The following ADGRF5 variants were observed in gnomAD, a reference collection of about 807,000 sequenced individuals.
The protein encoded by ADGRF5 is adhesion G protein-coupled receptor F5.
Under a neutral mutation model 132.3 loss-of-function variants are expected in ADGRF5, and 75 were observed. The ratio of observed to expected loss-of-function variants is 0.57; its 90% confidence interval spans 0.47 to 0.69. The LOEUF (loss-of-function observed/expected upper bound fraction) is 0.69. Ranked by LOEUF, ADGRF5 falls within the 30% of genes least tolerant of loss-of-function variation. The pLI is 0.00. For synonymous variants in ADGRF5, 629 were observed against 597.6 expected (o/e 1.05, Z -0.77); for missense variants, 1,516 against 1,630.6 (o/e 0.93, Z 1.21).
At chr6:46,907,658 T>A (rs1775532385) in intron 1 of ADGRF5, among the ~76,000 whole-genome samples, 1 of 152,116 alleles carries the variant, frequency 6.6e-6, no homozygotes, top group Non-Finnish European at 1.5e-5. Flanking sequence ...ACCAAGACAA[T>A]CTACTTTGTG....
intron 11 of ADGRF5, chr6:46,869,421 G>A (rs189058561): frequency 8.8e-4 from 861 of 983,488 alleles, no homozygotes; most frequent in South Asian, 1.1e-3. Flanking sequence ...CTTATCCCAC[G>A]CTCCCCTCCA....
chr6:46,923,221 T>TG (rs1777079891), upstream of ADGRF5, among the ~76,000 whole-genome samples: 1 of 152,214 alleles, frequency 6.6e-6, no homozygotes, highest in East Asian at 1.9e-4. Context: ...CCACTGCTCC[T>TG]GGCCCTGAGA....
intron 1 of ADGRF5, among the ~76,000 whole-genome samples, chr6:46,917,899 AT>A (rs1281647149): frequency 6.6e-6 from 1 of 152,252 alleles, no homozygotes; most frequent in African/African-American, 2.4e-5. Flanking sequence ...AAGTATAATA[AT>A]TAAAACAAAT....
chr6:46,947,023 T>C (rs9367260), intron 1 of ADGRF5, among the ~76,000 whole-genome samples: 49,226 of 152,142 alleles, frequency 0.32, 9,820 homozygotes, highest in Non-Finnish European at 0.43. Context: ...TTGCAACACG[T>C]TGAGTTTGTG....
At chr6:46,951,687 A>G (rs2113847949) in intron 1 of ADGRF5, among the ~76,000 whole-genome samples, 1 of 152,324 alleles carries the variant, frequency 6.6e-6, no homozygotes, top group Non-Finnish European at 1.5e-5. Context: ...GCTTTCCTAA[A>G]GCAGGGACTG....
intron 1 of ADGRF5, among the ~76,000 whole-genome samples, chr6:46,916,183 G>T (rs184509133): frequency 6.6e-6 from 1 of 152,214 alleles, no homozygotes; most frequent in African/African-American, 2.4e-5. Flanking sequence ...GACCTTTATG[G>T]CATATTGCCT....
At chr6:46,866,864 A>AT in intron 13 of ADGRF5, 61 bp downstream of exon 13, 1 of 1,034,598 alleles carries the variant, frequency 9.7e-7, no homozygotes, top group South Asian at 1.4e-5. Flanking sequence ...TTAAGACTAA[A>AT]TTTTTAGACT....
Position 46,941,019 on chromosome 6 carries a change from A to G in ADGRF5, c.-25+13715T>C, listed in dbSNP as rs573828110. ...AAGTGGTTCAAAAATGTGGGCCCCC[A>G]ACATTCTGGGAACTTGTTGAAAATG... On this transcript the variant is annotated intron_variant, in intron 1 of 20. Coordinates refer to the ADGRF5 transcript ENST00000265417. 7.2e-4 allele frequency among the ~76,000 whole-genome samples: 109 copies of G among 152,282 alleles called. 1 individual carries two copies. The highest frequency in any genetic ancestry group is 2.8e-3 in the Admixed American group (43 of 15,282).
rs372211867 is a variant in ADGRF5, at chr6:46,879,961, A to G, written c.893T>C (p.Leu298Ser). 12 of 1,614,184 alleles carry G rather than the reference A, an allele frequency of 7.4e-6. No individual in the cohort carries two copies. Among genetic ancestry groups the G allele is most frequent in the Non-Finnish European group, 1.0e-5 (12 of 1,180,006 alleles). ...TVSLVCEKEV[L>S]SSNVSWRYEE... The stretch of plus-strand genomic sequence containing the variant: ...ATAGCGCCAAGACACATTGGAGGAC[A>G]AAACTTCCTTTTCACACACCAGACT... Residue 298 changes from leucine (L) to serine (S), a missense_variant, in exon 9 of 21, where the codon TTG becomes TCG. Coordinates refer to ENST00000283296, the MANE Select transcript of ADGRF5 (RefSeq NM_001098518.2).
chr6:46,938,802 A>G (rs1483088929), intron 1 of ADGRF5, among the ~76,000 whole-genome samples: 3 of 151,962 alleles, frequency 2.0e-5, no homozygotes, highest in Admixed American at 6.6e-5. Context: ...ATGACCACAC[A>G]TGTTCTACCA....
intron 17 of ADGRF5, among the ~76,000 whole-genome samples, 171 bp downstream of exon 17, chr6:46,857,958 A>T (rs1364509541): frequency 6.6e-6 from 1 of 152,236 alleles, no homozygotes; most frequent in Non-Finnish European, 1.5e-5. Context: ...CCATAGGATC[A>T]GAAGAATGTG....
chr6:46,911,151 A>ACCT, intron 1 of ADGRF5, among the ~76,000 whole-genome samples: 1 of 152,166 alleles, frequency 6.6e-6, no homozygotes, highest in African/African-American at 2.4e-5. Flanking sequence ...GTTTTCCTGA[A>ACCT]GTACTCTTCA....
chr6:46,907,274 A>G (rs1160914093), intron 1 of ADGRF5, among the ~76,000 whole-genome samples: 2 of 152,244 alleles, frequency 1.3e-5, no homozygotes, highest in Admixed American at 1.3e-4. Flanking sequence ...TGTAAGTTGT[A>G]TCTTACAGTA....
chr6:46,924,167 T>C (rs914995785), upstream of ADGRF5, among the ~76,000 whole-genome samples: 3 of 152,198 alleles, frequency 2.0e-5, no homozygotes, highest in African/African-American at 7.2e-5. Context: ...TTCACACAGG[T>C]AACGTTTAGT....
intron 16 of ADGRF5, among the ~76,000 whole-genome samples, 161 bp from the exon 17 acceptor site, chr6:46,859,684 C>A (rs2150782578): frequency 6.6e-6 from 1 of 152,182 alleles, no homozygotes; most frequent in Middle Eastern, 3.4e-3. Flanking sequence ...CTTCTTATGG[C>A]AGAGTTTAGC....
In ADGRF5 at chr6:46,877,304, T is replaced by TTC. The variant is rs1562174997; in HGVS notation, c.1240+897_1240+898insGA. ...CTTTCTTTCTTTCTCTCTCTCTCTC[T>TTC]CTTTCCTTCCTTCCTTCCTTCTTTC... On this transcript the variant is annotated intron_variant, in intron 10 of 20. Transcript: ENST00000283296. Among the ~76,000 whole-genome samples, 439 of 48,836 alleles carry TTC rather than the reference T, an allele frequency of 9.0e-3. 6 individuals are homozygous for TTC. The highest frequency in any genetic ancestry group is 0.012 in the Non-Finnish European group (280 of 23,896). The allele number at this position is 48,836 out of a possible 152,430, so 32.0% of individuals were successfully genotyped here.
intron 11 of ADGRF5, chr6:46,870,897 G>A (rs1411417974): frequency 5.5e-5 from 21 of 385,246 alleles, no homozygotes; most frequent in Non-Finnish European, 9.5e-5. Flanking sequence ...GAACAGTTTT[G>A]ATTATTTGAA....
intron 17 of ADGRF5, among the ~76,000 whole-genome samples, chr6:46,857,791 C>G (rs532703945): frequency 4.0e-5 from 6 of 151,132 alleles, no homozygotes; most frequent in Admixed American, 4.0e-4. Context: ...CAATCCCTGT[C>G]CTCACAAAGA....
intron 11 of ADGRF5, chr6:46,870,706 C>G (rs1770955409): frequency 4.0e-6 from 1 of 248,220 alleles, no homozygotes; most frequent in Admixed American, 5.3e-5. Flanking sequence ...GATGAGATTC[C>G]AAACTACCAG....
Sources: allele counts gnomAD v4.1 joint callset (sites outside exome capture counted in the v4.1 genomes callset), GRCh38; gene constraint gnomAD v4.1.1; transcripts MANE v1.5; gene names NCBI Gene and HGNC (gene_info 2026-07-23, HGNC 2026-07-21).